ICE2: variants seen among roughly 807,000 people sequenced by gnomAD.
The protein encoded by ICE2 is interactor of little elongation complex ELL subunit 2, also known as little elongation complex subunit 2.
A neutral mutation model predicts 105.4 loss-of-function variants in ICE2; 87 were observed. The ratio of observed to expected loss-of-function variants is 0.83; its 90% CI spans 0.69 to 0.99. The LOEUF (loss-of-function observed/expected upper bound fraction) is 0.99. ICE2 is among the 50% of genes least tolerant of loss of function. The probability of loss-of-function intolerance (pLI) is 0.00; values close to 1 mark genes in which losing one functional copy is unlikely to be tolerated. For synonymous variants in ICE2, 399 were observed against 392.0 expected, an observed-to-expected ratio of 1.02 and a Z score of -0.21; for missense variants, 1,323 against 1,146.7, an observed-to-expected ratio of 1.15 and a Z score of -2.22.
intron 3 of ICE2, among the ~76,000 whole-genome samples, chr15:60,469,579 G>C (rs1458267604): frequency 6.6e-6 from 1 of 152,106 alleles, no homozygotes; most frequent in East Asian, 1.9e-4. Flanking sequence ...AGGAACTGCC[G>C]GTCCTTGGAT....
chr15:60,455,233 G>C, intron 7 of ICE2, 71 bp from the exon 8 acceptor site: 1 of 1,518,922 alleles, frequency 6.6e-7, no homozygotes, highest in Non-Finnish European at 8.9e-7. Context: ...AACAAAAAAA[G>C]TCAGAAAGGG....
At chr15:60,471,899 C>T (rs2064607360) in intron 3 of ICE2, among the ~76,000 whole-genome samples, 1 of 151,632 alleles carries the variant, frequency 6.6e-6, no homozygotes, top group South Asian at 2.1e-4. Flanking sequence ...TGCTTCTAGT[C>T]TCCATTTCAA....
At chr15:60,448,539 A>C (rs1214459278) in intron 10 of ICE2, among the ~76,000 whole-genome samples, 2 of 152,208 alleles carry the variant, frequency 1.3e-5, no homozygotes, top group Non-Finnish European at 2.9e-5. Context: ...ATTTTAAATC[A>C]ATCAATGTTT....
chr15:60,471,955 G>A (rs1451114985), intron 3 of ICE2, among the ~76,000 whole-genome samples: 2 of 151,632 alleles, frequency 1.3e-5, no homozygotes, highest in Non-Finnish European at 1.5e-5. Flanking sequence ...TAAGTTAAAC[G>A]TGTTAGAGCT....
Position 60,465,186 on chromosome 15 carries a change from G to GT in ICE2, c.528+1407dup, listed in dbSNP as rs575012301. On this transcript the variant is annotated intron_variant, in intron 5 of 15. Coordinates refer to ENST00000261520, the MANE Select transcript of ICE2 (RefSeq NM_024611.6). ...TAACAGCAAAATTCTTCCTTACAGT[G>GT]TTTTTTTTTTCCTTCCTTTTTCTGA... is the stretch of plus-strand genomic sequence containing the variant. 6.5e-4 allele frequency among the ~76,000 whole-genome samples: 96 copies of GT among 148,618 alleles called. No homozygotes were observed. In the South Asian group the frequency reaches 0.013, roughly 19 times the overall value.
At chr15:60,456,877 A>C in intron 5 of ICE2, 83 bp from the exon 6 acceptor site, 1 of 727,260 alleles carries the variant, frequency 1.4e-6, no homozygotes, top group Non-Finnish European at 2.1e-6. Flanking sequence ...GTGACTATGT[A>C]ATTATTCATT....
intron 15 of ICE2, among the ~76,000 whole-genome samples, chr15:60,424,679 T>C (rs1238247089): frequency 1.3e-5 from 2 of 152,144 alleles, no homozygotes; most frequent in Non-Finnish European, 2.9e-5. Context: ...TGGCTAACTT[T>C]TGTATTATTA....
At position 60,448,048 on chromosome 15, in the gene ICE2, G is replaced by C; in HGVS notation, c.2217C>G (p.Asp739Glu). The part of the protein sequence containing the change: ...NFVYKLFSLQ[D>E]LLLLVRCSVQ... ...CACTGCAGCGTACGAGTAACAACAG[G>C]TCTTGCAGGCTAAATAACTTATAAA... is the stretch of plus-strand genomic sequence containing the variant. The change falls in exon 11 of 16, where the codon GAC becomes GAG. Residue 739 changes from aspartate to glutamate, a missense_variant. Asp to Glu is a conservative substitution (Grantham distance 45, BLOSUM62 2). Transcript: ENST00000261520. 1 of 1,613,772 alleles carries C rather than the reference G, an allele frequency of 6.2e-7. No individual in the cohort carries two copies. The highest frequency in any genetic ancestry group is 1.1e-5 in the South Asian group (1 of 91,078).
At chr15:60,460,354 T>A (rs539009909) in intron 5 of ICE2, among the ~76,000 whole-genome samples, 1 of 152,196 alleles carries the variant, frequency 6.6e-6, no homozygotes, top group East Asian at 1.9e-4. Context: ...AAAAATTAGC[T>A]GGGTGTGGTA....
chr15:60,471,320 T>C (rs940957181), intron 3 of ICE2, among the ~76,000 whole-genome samples: 2 of 152,206 alleles, frequency 1.3e-5, no homozygotes, highest in African/African-American at 4.8e-5. Context: ...AAATGAACAT[T>C]AACTGCTGAT....
chr15:60,440,068 A>G (rs751839721), intron 12 of ICE2: 3 of 152,176 alleles, frequency 2.0e-5, no homozygotes, highest in Non-Finnish European at 4.4e-5. Context: ...CGGGAGACAA[A>G]GAGTCAACAC....
intron 12 of ICE2, among the ~76,000 whole-genome samples, chr15:60,436,904 C>T (rs1268319489): frequency 1.3e-5 from 2 of 151,838 alleles, no homozygotes; most frequent in Non-Finnish European, 2.9e-5. Context: ...TGTACAGGGG[C>T]TAAGACACAC....
At chr15:60,469,241 G>GA (rs1345141467) in intron 3 of ICE2, among the ~76,000 whole-genome samples, 2 of 152,138 alleles carry the variant, frequency 1.3e-5, no homozygotes, top group Non-Finnish European at 2.9e-5. Flanking sequence ...AGTGGGAGCT[G>GA]AAAAATGAGA....
In ICE2 at chr15:60,456,868, T is replaced by C; in HGVS notation, c.529-74A>G. On this transcript the variant is annotated intron_variant, in intron 5 of 15. Transcript: ENST00000261520. ...CAAAAAGAAAATTTTTAGTTACATG[T>C]GACTATGTAATTATTCATTGCAAAA... is the stretch of plus-strand genomic sequence containing the variant. 6 of 866,282 alleles carry C rather than the reference T, an allele frequency of 6.9e-6. No individual in the cohort carries two copies. In the South Asian group the frequency reaches 9.1e-5, roughly 13 times the overall value. The allele number at this position is 866,282 out of a possible 1,614,324, so 53.7% of individuals were successfully genotyped here.
chr15:60,475,017 T>C (rs2064718474), intron 3 of ICE2, among the ~76,000 whole-genome samples: 1 of 151,816 alleles, frequency 6.6e-6, no homozygotes, highest in Non-Finnish European at 1.5e-5. Flanking sequence ...AGAACAAAGA[T>C]AGAGGAGTAA....
intron 11 of ICE2, among the ~76,000 whole-genome samples, chr15:60,447,057 A>T (rs2063837801): frequency 6.6e-6 from 1 of 152,222 alleles, no homozygotes; most frequent in Admixed American, 6.5e-5. Flanking sequence ...CAAATATGAA[A>T]AATTTTTAAA....
intron 14 of ICE2, 100 bp from the exon 15 acceptor site, chr15:60,428,787 A>C (rs779506894): frequency 1.8e-6 from 2 of 1,138,198 alleles, no homozygotes; most frequent in African/African-American, 1.5e-5. Flanking sequence ...AATTATGAGA[A>C]GATCACACCA....
chr15:60,457,470 T>C (rs2064157699), intron 5 of ICE2, among the ~76,000 whole-genome samples: 1 of 152,148 alleles, frequency 6.6e-6, no homozygotes, highest in South Asian at 2.1e-4. Flanking sequence ...AAGATACATA[T>C]TTTTTCTTCT....
intron 9 of ICE2, chr15:60,451,002 A>G (rs1395324366): frequency 9.2e-6 from 2 of 218,272 alleles, no homozygotes; most frequent in Non-Finnish European, 1.6e-5. Flanking sequence ...AATAGCAATG[A>G]AAGTGTTAGA....
Sources: allele counts gnomAD v4.1 joint callset (sites outside exome capture counted in the v4.1 genomes callset), GRCh38; gene constraint gnomAD v4.1.1; transcripts MANE v1.5; gene names NCBI Gene and HGNC (gene_info 2026-07-23, HGNC 2026-07-21).